Variants in EPRS1 observed in about 807,000 individuals in gnomAD.
EPRS1 encodes bifunctional glutamate/proline--tRNA ligase.
In EPRS1, 107 loss-of-function variants were observed where a neutral mutation model predicts 188.3. The observed-to-expected ratio is 0.57, with a 90% CI of 0.49 to 0.67. The LOEUF (loss-of-function observed/expected upper bound fraction) is 0.67, where lower values mean the gene tolerates loss of function less well. Among genes scored for constraint, EPRS1 ranks in the 30% least tolerant of loss-of-function variants. The pLI, the probability that EPRS1 is intolerant of heterozygous loss-of-function variation, is 0.00. For synonymous variants in EPRS1, 596 were observed against 593.1 expected, an observed-to-expected ratio of 1.00 and a Z score of -0.07; for missense variants, 1,577 against 1,802.2, an observed-to-expected ratio of 0.88 and a Z score of 2.26.
intron 17 of EPRS1, among the ~76,000 whole-genome samples, chr1:219,997,919 CATT>C (rs977829528): frequency 5.3e-5 from 8 of 152,188 alleles, no homozygotes; most frequent in Non-Finnish European, 7.4e-5. Context: ...AATTGTAACT[CATT>C]GTTGTGGAAC....
rs1038942279 is a variant in EPRS1 at position 220,024,561 on chromosome 1, C to T, written c.751-105G>A. 2.1e-5 allele frequency: 14 copies of T among 679,140 alleles called. No individual in the cohort carries two copies. The African/African-American group carries it at 2.4e-4, about 11-fold the overall frequency. The allele number at this position is 679,140 out of a possible 1,614,324, so 42.1% of individuals were successfully genotyped here. A position where few individuals can be genotyped will look rare whatever the true frequency, so the allele number is the denominator to read the frequency against. On this transcript the variant is annotated intron_variant, in intron 7 of 31. Transcript: ENST00000366923. ...AGCAAATGTAACATAGACCATCAGTCTTATTTAGCCTGAAAATGGTTGTGG... is the reference window on the plus strand; with the variant it reads ...AGCAAATGTAACATAGACCATCAGTTTTATTTAGCCTGAAAATGGTTGTGG...
Position 219,988,596 on chromosome 1 carries a change from G to C in EPRS1, c.2769C>G (p.Ala923=). ...AACAAAATAACACACTAACCTTAGG[G>C]GCTTTTTCAGTTTTAAGTTTCCGAA... ...EVVRKLKTEK[A]PKDQVDIAVQ... The change falls in exon 19 of 32, where the codon GCC becomes GCG. Residue 923 remains alanine (A), a synonymous_variant. Coordinates refer to ENST00000366923, the MANE Select transcript of EPRS1 (RefSeq NM_004446.3). 1 of 1,605,636 alleles carries C rather than the reference G, an allele frequency of 6.2e-7. No homozygotes were observed. Among genetic ancestry groups the C allele is most frequent in the Non-Finnish European group, 8.5e-7 (1 of 1,172,710 alleles).
At chr1:220,018,030 A>C in intron 12 of EPRS1, 1 of 615,074 alleles carries the variant, frequency 1.6e-6, no homozygotes, top group Non-Finnish European at 2.5e-6. Flanking sequence ...CTTTTATATA[A>C]ATGTGATTGT....
intron 18 of EPRS1, 86 bp downstream of exon 18, chr1:219,996,897 G>C: frequency 7.5e-7 from 1 of 1,324,546 alleles, no homozygotes; most frequent in Non-Finnish European, 1.0e-6. Context: ...ATGAGCAGTC[G>C]ATGTTTTATA....
intron 28 of EPRS1, among the ~76,000 whole-genome samples, chr1:219,977,085 C>T (rs538433285): frequency 8.5e-5 from 13 of 152,166 alleles, no homozygotes; most frequent in South Asian, 2.1e-4. Flanking sequence ...GCGTACACAT[C>T]GCTCACACAC....
intron 8 of EPRS1, among the ~76,000 whole-genome samples, chr1:220,023,928 C>A (rs1311354482): frequency 6.6e-6 from 1 of 152,098 alleles, no homozygotes; most frequent in Non-Finnish European, 1.5e-5. Flanking sequence ...CCAAGGCAGG[C>A]AGATCACAAG....
Position 220,001,256 on chromosome 1 carries a change from C to T in EPRS1, c.2064-1G>A. 1 of 1,574,666 alleles carries T rather than the reference C, an allele frequency of 6.4e-7. No homozygotes were observed. The highest frequency in any genetic ancestry group is 8.7e-7 in the Non-Finnish European group (1 of 1,144,532). ...CGGGGCTTCCTTGCAACTATATGGG[C>T]TAAAAAGAAAATAAAGGGACAAAAT... On this transcript the variant is annotated splice_acceptor_variant, in intron 16 of 31. Coordinates refer to ENST00000366923, the MANE Select transcript of EPRS1 (RefSeq NM_004446.3). LOFTEE classifies it high-confidence loss of function.
In EPRS1 at chr1:220,006,235, G is replaced by A. The variant is rs754561461; in HGVS notation, c.1821C>T (p.Val607=). 5 of 1,600,504 alleles carry A rather than the reference G, an allele frequency of 3.1e-6. No homozygotes were observed. In the African/African-American group the frequency reaches 6.7e-5, roughly 21 times the overall value. Residue 607 remains valine (V), a synonymous_variant, in exon 15 of 32, where the codon GTC becomes GTT. Coordinates refer to ENST00000366923, the MANE Select transcript of EPRS1 (RefSeq NM_004446.3). The part of the protein sequence containing the change: ...ENKDYKKTTK[V]TWLAETTHAL... ...CATGTGTAGTCTCTGCAAGCCAAGT[G>A]ACCTTAGTGGTTTTCTTGTAGTCTT...
chr1:220,018,590 GAA>G (rs35962858), intron 11 of EPRS1, 82 bp from the exon 12 acceptor site: 40 of 615,632 alleles, frequency 6.5e-5, no homozygotes, highest in African/African-American at 2.3e-4. Context: ...AGCATGTTTA[GAA>G]AAAAAAAAAA....
intron 9 of EPRS1, among the ~76,000 whole-genome samples, 172 bp downstream of exon 9, chr1:220,022,175 G>A (rs537566806): frequency 6.6e-6 from 1 of 152,278 alleles, no homozygotes; most frequent in South Asian, 2.1e-4. Context: ...ATTGACAGGT[G>A]AGTAAACGGC....
chr1:220,035,971 G>A (rs538991704), intron 2 of EPRS1, among the ~76,000 whole-genome samples: 113 of 152,038 alleles, frequency 7.4e-4, no homozygotes, highest in Non-Finnish European at 1.3e-3. Context: ...AGGCCGAGGT[G>A]GACAGATCAC....
chr1:220,038,571 A>G (rs1571699994), intron 2 of EPRS1, among the ~76,000 whole-genome samples: 1 of 148,082 alleles, frequency 6.8e-6, no homozygotes, highest in South Asian at 2.2e-4. Flanking sequence ...TAGAGACAGG[A>G]TTTTACTATG....
chr1:220,036,952 A>G (rs1038631784), intron 2 of EPRS1, among the ~76,000 whole-genome samples: 1 of 152,170 alleles, frequency 6.6e-6, no homozygotes, highest in Non-Finnish European at 1.5e-5. Context: ...TACTAAAAAC[A>G]TAATAGCCAA....
intron 21 of EPRS1, 48 bp from the exon 22 acceptor site, chr1:219,983,446 C>G (rs1475209814): frequency 7.3e-7 from 1 of 1,368,834 alleles, no homozygotes; most frequent in Non-Finnish European, 1.0e-6. Context: ...AACCAAAATT[C>G]TAGTATAAGT....
rs1473803424 is a variant in EPRS1 at position 220,006,293 on chromosome 1, A to G, written c.1763T>C (p.Ile588Thr). The change falls in exon 15 of 32, where the codon ATA (isoleucine) becomes ACA (threonine). Residue 588 changes from isoleucine (I) to threonine (T), a missense_variant. By Grantham distance (89) the Ile-to-Thr change is moderately conservative. This residue lies in a region of EPRS1 where 1,278 missense variants were observed against 1,457.4 expected (regional missense o/e 0.88). Transcript: ENST00000366923. ...KIHKNADGKI[I>T]SLDAKLNLEN... ...CAAATTCAACTTTGCATCAAGAGATATGATTTTTCCATCTGCATTTCTAGA... is the reference window on the plus strand; with the variant it reads ...CAAATTCAACTTTGCATCAAGAGATGTGATTTTTCCATCTGCATTTCTAGA... 6.4e-7 allele frequency: 1 copy of G among 1,561,326 alleles called. No individual in the cohort carries two copies. Among genetic ancestry groups the G allele is most frequent in the Non-Finnish European group, 8.7e-7 (1 of 1,149,488 alleles).
At position 220,011,034 on chromosome 1, in the gene EPRS1, C is replaced by G; in HGVS notation, c.1517G>C (p.Arg506Pro). The change falls in exon 13 of 32, where the codon CGA becomes CCA. Residue 506 changes from arginine to proline, a missense_variant. Arg to Pro is a moderately radical substitution (Grantham distance 103). Around this residue, in one of 3 missense-constraint regions of EPRS1, gnomAD observed 1,278 missense variants for 1,457.4 expected, o/e 0.88. Coordinates refer to ENST00000366923, the MANE Select transcript of EPRS1 (RefSeq NM_004446.3). The stretch of plus-strand genomic sequence containing the variant: ...TTCTTTCTTCAGTAATGCAACATAT[C>G]GTGGAGCCACTGGGTCAATAACCTG... ...NKKVIDPVAP[R>P]YVALLKKEVI... 1 of 1,611,320 alleles carries G rather than the reference C, an allele frequency of 6.2e-7. No individual in the cohort carries two copies. Among genetic ancestry groups the G allele is most frequent in the Non-Finnish European group, 8.5e-7 (1 of 1,177,548 alleles).
At chr1:219,978,332 T>G (rs1430276046) in intron 28 of EPRS1, among the ~76,000 whole-genome samples, 1 of 152,166 alleles carries the variant, frequency 6.6e-6, no homozygotes, top group African/African-American at 2.4e-5. Context: ...ATAATAAAAA[T>G]AAGCTTCCAC....
At chr1:219,973,903 A>G (rs1434240001) in intron 28 of EPRS1, among the ~76,000 whole-genome samples, 1 of 151,966 alleles carries the variant, frequency 6.6e-6, no homozygotes, top group Non-Finnish European at 1.5e-5. Context: ...CTGCCTCCAG[A>G]GTCTTTTATT....
At chr1:220,011,762 G>A (rs1456945651) in intron 12 of EPRS1, among the ~76,000 whole-genome samples, 1 of 152,156 alleles carries the variant, frequency 6.6e-6, no homozygotes, top group African/African-American at 2.4e-5. Flanking sequence ...ATCATCAGTA[G>A]CATCCCCTTC....
Sources: allele counts gnomAD v4.1 joint callset (sites outside exome capture counted in the v4.1 genomes callset), GRCh38; gene constraint gnomAD v4.1.1; regional missense constraint gnomAD v4.1.1; transcripts MANE v1.5; gene names NCBI Gene and HGNC (gene_info 2026-07-23, HGNC 2026-07-21).